ANKRD6: variants seen among roughly 807,000 people sequenced by gnomAD.
ANKRD6 encodes ankyrin repeat domain 6.
In ANKRD6, 56 loss-of-function variants were observed where a neutral mutation model predicts 82.3. The observed-to-expected ratio is 0.68, with a 90% confidence interval of 0.55 to 0.85. The LOEUF is 0.85. ANKRD6 is among the 40% of genes least tolerant of loss of function. ANKRD6 has a pLI of 0.00. For missense variants in ANKRD6, 852 were observed against 907.6 expected (o/e 0.94, Z 0.79); for synonymous variants, 347 against 352.1 (o/e 0.99, Z 0.16).
At chr6:89,611,313 G>T (rs767399576) in intron 5 of ANKRD6, among the ~76,000 whole-genome samples, 1 of 152,150 alleles carries the variant, frequency 6.6e-6, no homozygotes, top group Non-Finnish European at 1.5e-5. Context: ...AATGCTCTGA[G>T]CCCACGCACC....
At chr6:89,512,259 A>G (rs1168475630) in intron 1 of ANKRD6, among the ~76,000 whole-genome samples, 7 of 152,262 alleles carry the variant, frequency 4.6e-5, no homozygotes, top group African/African-American at 1.4e-4. Flanking sequence ...TACTCCCAAC[A>G]TAAACTTACA....
chr6:89,567,179 G>T, intron 2 of ANKRD6, 83 bp downstream of exon 2: 2 of 1,492,840 alleles, frequency 1.3e-6, no homozygotes, highest in Non-Finnish European at 9.0e-7. Context: ...GCTGTGTTTG[G>T]TTCACAGCTT....
intron 1 of ANKRD6, among the ~76,000 whole-genome samples, chr6:89,509,448 A>G (rs190417686): frequency 6.6e-6 from 1 of 152,250 alleles, no homozygotes; most frequent in African/African-American, 2.4e-5. Flanking sequence ...AAGAAACATG[A>G]AGCCAAGGGA....
intron 1 of ANKRD6, among the ~76,000 whole-genome samples, chr6:89,495,926 A>G (rs1778560069): frequency 6.6e-6 from 1 of 152,006 alleles, no homozygotes; most frequent in Non-Finnish European, 1.5e-5. Context: ...ACTTGCGCAC[A>G]TTCTCTTGTG....
chr6:89,630,869 T>C lies in ANKRD6; in HGVS notation c.2049T>C (p.Tyr683=), dbSNP rs756550073. ...TTTCTACCCAGATGGAAAAGTGGTA[T>C]GAAAGGAAGATTGAAGAAGCACGAA... The part of the protein sequence containing the change: ...EAVSTQMEKW[Y]ERKIEEARSQ... Residue 683 remains tyrosine, a synonymous_variant, in exon 16 of 16, where the codon TAT becomes TAC. Coordinates refer to ENST00000339746, the MANE Select transcript of ANKRD6 (RefSeq NM_001242809.2). 2 of 1,613,670 alleles carry C rather than the reference T, an allele frequency of 1.2e-6. No individual in the cohort carries two copies. Among genetic ancestry groups the C allele is most frequent in the East Asian group, 2.2e-5 (1 of 44,880 alleles).
intron 5 of ANKRD6, among the ~76,000 whole-genome samples, 172 bp downstream of exon 5, chr6:89,606,277 T>C (rs1798593052): frequency 6.6e-6 from 1 of 152,218 alleles, no homozygotes; most frequent in African/African-American, 2.4e-5. Flanking sequence ...TAGAAGCTGA[T>C]TGATATTCCA....
chr6:89,629,078 G>GTACT (rs1177345961), intron 14 of ANKRD6, 34 bp from the exon 15 acceptor site: 1 of 1,591,482 alleles, frequency 6.3e-7, no homozygotes. Context: ...ATTCTTCTAT[G>GTACT]TACTTATTTG....
At chr6:89,493,465 G>T (rs575352394) in intron 1 of ANKRD6, among the ~76,000 whole-genome samples, 5 of 151,738 alleles carry the variant, frequency 3.3e-5, no homozygotes, top group African/African-American at 7.3e-5. Flanking sequence ...TCTGGAATAC[G>T]GTGGCATGAT....
rs552570039 is a variant in ANKRD6 at position 89,453,916 on chromosome 6, C to T, written c.-144+20541C>T. The stretch of plus-strand genomic sequence containing the variant: ...TCATGGGTTCACGCCATTCTCCTGC[C>T]TTAGCCTCCGGAGTAGCTGGGACTA... On this transcript the variant is annotated intron_variant, in intron 1 of 15. Transcript: ENST00000339746. 2.0e-3 allele frequency among the ~76,000 whole-genome samples: 310 copies of T among 152,178 alleles called. 2 individuals carry two copies. Among genetic ancestry groups the T allele is most frequent in the Middle Eastern group, 0.01 (3 of 294 alleles).
chr6:89,592,837 C>G lies in ANKRD6; in HGVS notation c.121-3079C>G, dbSNP rs184605379. On this transcript the variant is annotated intron_variant, in intron 2 of 15. Transcript: ENST00000339746. The stretch of plus-strand genomic sequence containing the variant: ...AGGCACATGGCTCACACCTGTAATC[C>G]CAGCACTTTGGGAGGCTGAGGTGGG... 7.2e-5 allele frequency among the ~76,000 whole-genome samples: 11 copies of G among 152,214 alleles called. No homozygotes were observed. The East Asian group carries it at 2.1e-3, about 29-fold the overall frequency.
chr6:89,441,620 CTTTTT>C (rs71556522), intron 1 of ANKRD6, among the ~76,000 whole-genome samples: 3 of 80,470 alleles, frequency 3.7e-5, no homozygotes, highest in Admixed American at 1.7e-4. Context: ...CTTTTCTTTC[CTTTTT>C]TTTTTTTTTT....
At chr6:89,624,339 C>A in intron 12 of ANKRD6, 200 bp from the exon 13 acceptor site, 1 of 690,880 alleles carries the variant, frequency 1.4e-6, no homozygotes, top group Non-Finnish European at 2.4e-6. Flanking sequence ...AGGAGAGGGA[C>A]CATATCTTAC....
intron 1 of ANKRD6, among the ~76,000 whole-genome samples, chr6:89,455,087 G>T (rs1773340844): frequency 6.6e-6 from 1 of 150,394 alleles, no homozygotes; most frequent in Non-Finnish European, 1.5e-5. Context: ...CAAGTGATCT[G>T]CCCACCTTGG....
At chr6:89,566,519 G>C (rs1034012239) in intron 1 of ANKRD6, among the ~76,000 whole-genome samples, 3 of 152,192 alleles carry the variant, frequency 2.0e-5, no homozygotes, top group Non-Finnish European at 4.4e-5. Context: ...ACCAGGTGGT[G>C]CTTAGGGGAT....
chr6:89,613,365 A>T (rs1446042157), intron 6 of ANKRD6, among the ~76,000 whole-genome samples: 2 of 152,084 alleles, frequency 1.3e-5, no homozygotes, highest in African/African-American at 4.8e-5. Flanking sequence ...CCTTTCATCC[A>T]TGAGGGATCT....
At chr6:89,545,129 C>T (rs1784917442) in intron 1 of ANKRD6, among the ~76,000 whole-genome samples, 1 of 147,464 alleles carries the variant, frequency 6.8e-6, no homozygotes, top group Admixed American at 7.0e-5. Context: ...AGGAGAATGG[C>T]GTGAACCTGG....
intron 1 of ANKRD6, among the ~76,000 whole-genome samples, chr6:89,510,328 G>A (rs1230894310): frequency 6.6e-6 from 1 of 151,148 alleles, no homozygotes; most frequent in Non-Finnish European, 1.5e-5. Context: ...TGTGCCTAAC[G>A]TTTTAAGGGG....
At position 89,447,791 on chromosome 6, in the gene ANKRD6, G is replaced by A. The variant is rs554494769; in HGVS notation, c.-144+14416G>A. Among the ~76,000 whole-genome samples, 428 of 151,312 alleles carry A rather than the reference G, an allele frequency of 2.8e-3. 7 individuals carry two copies. Among genetic ancestry groups the A allele is most frequent in the African/African-American group, 9.7e-3 (400 of 41,194 alleles). On this transcript the variant is annotated intron_variant, in intron 1 of 15. Transcript: ENST00000339746. ...GCAACCTCTGCCTCCTGGTTCAAGCGATTTTCCTGCCTCAGCCTCCCAAGC... is the reference window on the plus strand; with the variant it reads ...GCAACCTCTGCCTCCTGGTTCAAGCAATTTTCCTGCCTCAGCCTCCCAAGC...
chr6:89,568,553 C>T (rs1164105272), intron 2 of ANKRD6, among the ~76,000 whole-genome samples: 1 of 152,022 alleles, frequency 6.6e-6, no homozygotes. Flanking sequence ...TTGTTTCTCC[C>T]CCAAATTCGT....
Sources: allele counts gnomAD v4.1 joint callset (sites outside exome capture counted in the v4.1 genomes callset), GRCh38; gene constraint gnomAD v4.1.1; transcripts MANE v1.5; gene names NCBI Gene and HGNC (gene_info 2026-07-23, HGNC 2026-07-21).